The following GNPTG variants were observed in gnomAD, a reference collection of about 807,000 sequenced individuals.
GNPTG encodes the protein N-acetylglucosamine-1-phosphotransferase subunit gamma.
GNPTG carries 46 observed loss-of-function variants against 43.8 expected under a neutral mutation model. The observed-to-expected ratio is 1.05, with a 90% confidence interval of 0.83 to 1.34. The LOEUF (loss-of-function observed/expected upper bound fraction) is 1.34. Ranked by LOEUF, GNPTG falls within the 40% of genes most tolerant of loss-of-function variation. The pLI, the probability that GNPTG is intolerant of heterozygous loss-of-function variation, is 0.00. For synonymous variants in GNPTG, 250 were observed against 172.8 expected, an observed-to-expected ratio of 1.45 and a Z score of -3.50; for missense variants, 549 against 411.3, an observed-to-expected ratio of 1.33 and a Z score of -2.90.
rs757003667 is a variant in GNPTG at position 1,362,624 on chromosome 16, T to G, written c.623T>G (p.Leu208Trp). Residue 208 changes from leucine (L) to tryptophan (W), a missense_variant, in exon 9 of 11, where the codon TTG becomes TGG. Leu to Trp is a moderately conservative substitution (Grantham distance 61, BLOSUM62 -2). Coordinates refer to ENST00000204679, the MANE Select transcript of GNPTG (RefSeq NM_032520.5). Reference sequence around the variant, plus strand: ...CTCCACCTTCAGGGCCATGAGAAGTTGCTGAGGACACTTTTTGAGGATGCT... The same window carrying G: ...CTCCACCTTCAGGGCCATGAGAAGTGGCTGAGGACACTTTTTGAGGATGCT... The part of the protein sequence containing the change: ...ELITPQGHEK[L>W]LRTLFEDAGY... 1.9e-6 allele frequency: 3 copies of G among 1,614,034 alleles called. No individual in the cohort carries two copies. In the African/African-American group the frequency reaches 4.0e-5, roughly 22 times the overall value.
At chr16:1,353,177 G>T (rs1018751206) in intron 3 of GNPTG, among the ~76,000 whole-genome samples, 1 of 152,026 alleles carries the variant, frequency 6.6e-6, no homozygotes, top group African/African-American at 2.4e-5. Flanking sequence ...TTATTTCACC[G>T]TATTGACCAG....
At position 1,362,442 on chromosome 16, in the gene GNPTG, G is replaced by T; in HGVS notation, c.527-10G>T. Reference sequence around the variant, plus strand: ...GGTGCAGCTGAGCCTGGCTTCTCTTGGGTCCTCAGTGTACCCAACCCTGCC... The same window carrying T: ...GGTGCAGCTGAGCCTGGCTTCTCTTTGGTCCTCAGTGTACCCAACCCTGCC... On this transcript the variant is annotated splice_polypyrimidine_tract_variant and intron_variant, in intron 7 of 10. Transcript: ENST00000204679. The T allele has an allele frequency of 6.2e-7, 1 of 1,613,690 alleles. No individual in the cohort carries two copies. Among genetic ancestry groups the T allele is most frequent in the African/African-American group, 1.3e-5 (1 of 75,034 alleles).
chr16:1,361,358 T>TC (rs1462265696), intron 3 of GNPTG: 2 of 280,274 alleles, frequency 7.1e-6, no homozygotes, highest in East Asian at 1.8e-4. Context: ...TGAAAACTGG[T>TC]CCTTGGCCGG....
Position 1,362,983 on chromosome 16 carries a change from T to C in GNPTG, c.824-14T>C. 1 of 1,614,036 alleles carries C rather than the reference T, an allele frequency of 6.2e-7. No individual in the cohort carries two copies. Reference sequence around the variant, plus strand: ...TGGGTCCAGGTGAGGACTGGCCACCTGGTGTTTTGGCAGAAACTTCCAACT... The same window carrying C: ...TGGGTCCAGGTGAGGACTGGCCACCCGGTGTTTTGGCAGAAACTTCCAACT... On this transcript the variant is annotated splice_polypyrimidine_tract_variant and intron_variant, in intron 10 of 10. Transcript: ENST00000204679.
At chr16:1,356,718 G>A (rs1471283946) in intron 3 of GNPTG, among the ~76,000 whole-genome samples, 4 of 152,210 alleles carry the variant, frequency 2.6e-5, no homozygotes, top group South Asian at 4.1e-4. Flanking sequence ...CTGTTTAGAC[G>A]GATGGCCCTG....
At chr16:1,359,658 T>A (rs542136177) in intron 3 of GNPTG, among the ~76,000 whole-genome samples, 12 of 152,344 alleles carry the variant, frequency 7.9e-5, no homozygotes, top group African/African-American at 2.9e-4. Flanking sequence ...GTCTCTCAAC[T>A]CTGTCTTTAA....
At chr16:1,359,847 C>A (rs1323602230) in intron 3 of GNPTG, among the ~76,000 whole-genome samples, 1 of 152,032 alleles carries the variant, frequency 6.6e-6, no homozygotes, top group African/African-American at 2.4e-5. Context: ...CTGGGGCTCA[C>A]GCCTGTAATC....
Position 1,362,047 on chromosome 16 carries a change from C to T in GNPTG, c.327C>T (p.His109=), listed in dbSNP as rs141533972. 37 of 1,612,614 alleles carry T rather than the reference C, an allele frequency of 2.3e-5. No individual in the cohort carries two copies. Among genetic ancestry groups the T allele is most frequent in the East Asian group, 1.1e-4 (5 of 44,854 alleles). Residue 109 remains histidine, a synonymous_variant, in exon 6 of 11, where the codon CAC becomes CAT. Coordinates refer to ENST00000204679, the MANE Select transcript of GNPTG (RefSeq NM_032520.5). ...NAYSGILGIW[H]EWEIANNTFT... ...GCCCGTGTCTCCCCAGCATCTGGCA[C>T]GAGTGGGAGATCGCCAACAACACCT...
At position 1,351,956 on chromosome 16, in the gene GNPTG, C is replaced by T; in HGVS notation, c.-10C>T. 2 of 1,291,514 alleles carry T rather than the reference C, an allele frequency of 1.5e-6. No homozygotes were observed. Among genetic ancestry groups the T allele is most frequent in the South Asian group, 2.5e-5 (1 of 39,612 alleles). The allele number at this position is 1,291,514 out of a possible 1,614,324, so 80.0% of individuals were successfully genotyped here. A position where few individuals can be genotyped will look rare whatever the true frequency, so the allele number is the denominator to read the frequency against. On this transcript the variant is annotated 5_prime_UTR_variant, in exon 1 of 11. Coordinates refer to ENST00000204679, the MANE Select transcript of GNPTG (RefSeq NM_032520.5). ...ACTTCACGTGACCGCGCGGCGGCCG[C>T]TGCGGCGCGATGGCGGCGGGGCTGG...
In GNPTG at chr16:1,362,145, C is replaced by T. The variant is rs781337088; in HGVS notation, c.411+14C>T. The T allele has an allele frequency of 1.5e-5, 24 of 1,612,378 alleles. No individual in the cohort carries two copies. In the Admixed American group the frequency reaches 1.8e-4, roughly 12 times the overall value. On this transcript the variant is annotated intron_variant, in intron 6 of 10. Transcript: ENST00000204679. ...CGGCAGAGCAAGGTGGGGCCTCAGACGGGAGCCCGGGAAGAGGGGCCCCAG... is the reference window on the plus strand; with the variant it reads ...CGGCAGAGCAAGGTGGGGCCTCAGATGGGAGCCCGGGAAGAGGGGCCCCAG...
At position 1,362,453 on chromosome 16, in the gene GNPTG, G is replaced by A; in HGVS notation, c.528G>A (p.Val176=). The A allele has an allele frequency of 6.2e-7, 1 of 1,613,868 alleles. No homozygotes were observed. The highest frequency in any genetic ancestry group is 2.2e-5 in the East Asian group (1 of 44,872). ...GCCTGGCTTCTCTTGGGTCCTCAGTGTACCCAACCCTGCCAGAGGCCCTGC... is the reference window on the plus strand; with the variant it reads ...GCCTGGCTTCTCTTGGGTCCTCAGTATACCCAACCCTGCCAGAGGCCCTGC... ...PLVCHPHALL[V]YPTLPEALQR... Residue 176 remains valine (V), a splice_region_variant and synonymous_variant, in exon 8 of 11, where the codon GTG becomes GTA. Transcript: ENST00000204679.
Position 1,362,496 on chromosome 16 carries a change from G to C in GNPTG, c.571G>C (p.Val191Leu). Reference sequence around the variant, plus strand: ...GGCCCTGCAGCGGCAGTGGGACCAGGTAGAGCAGGACCTGGCCGATGAGCT... The same window carrying C: ...GGCCCTGCAGCGGCAGTGGGACCAGCTAGAGCAGGACCTGGCCGATGAGCT... ...PEALQRQWDQ[V>L]EQDLADELIT... Residue 191 changes from valine (V) to leucine (L), a missense_variant, in exon 8 of 11, where the codon GTA becomes CTA. Coordinates refer to ENST00000204679, the MANE Select transcript of GNPTG (RefSeq NM_032520.5). 1.9e-6 allele frequency: 3 copies of C among 1,614,130 alleles called. No individual in the cohort carries two copies. Among genetic ancestry groups the C allele is most frequent in the Non-Finnish European group, 2.5e-6 (3 of 1,180,016 alleles).
chr16:1,362,366 C>T (rs761725569), intron 7 of GNPTG, 46 bp downstream of exon 7: 42 of 1,608,404 alleles, frequency 2.6e-5, no homozygotes, highest in Non-Finnish European at 3.2e-5. Flanking sequence ...CAGCCGCGCA[C>T]GCAGCCCTGC....
intron 3 of GNPTG, among the ~76,000 whole-genome samples, chr16:1,357,347 C>T (rs1216817078): frequency 6.6e-6 from 1 of 152,188 alleles, no homozygotes; most frequent in Non-Finnish European, 1.5e-5. Context: ...GCCAGCACCC[C>T]AGAGGTCTCA....
At chr16:1,357,130 C>T (rs1196838045) in intron 3 of GNPTG, among the ~76,000 whole-genome samples, 6 of 152,130 alleles carry the variant, frequency 3.9e-5, no homozygotes, top group Admixed American at 2.0e-4. Flanking sequence ...GAGGTAGAGC[C>T]CCCAGCGGTC....
chr16:1,361,802 G>A lies in GNPTG; in HGVS notation c.233+5G>A, dbSNP rs1060499691. On this transcript the variant is annotated splice_donor_5th_base_variant and intron_variant, in intron 4 of 10. Coordinates refer to ENST00000204679, the MANE Select transcript of GNPTG (RefSeq NM_032520.5). ...CTTCAGCCTGGTGGAGTCCACGTGAGTGCAGGGTGGGTGCGAGGGTGGGCT... is the reference window on the plus strand; with the variant it reads ...CTTCAGCCTGGTGGAGTCCACGTGAATGCAGGGTGGGTGCGAGGGTGGGCT... 6.2e-7 allele frequency: 1 copy of A among 1,613,996 alleles called. No homozygotes were observed. Among genetic ancestry groups the A allele is most frequent in the Non-Finnish European group, 8.5e-7 (1 of 1,180,000 alleles).
At position 1,362,631 on chromosome 16, in the gene GNPTG, G is replaced by A. The variant is rs890055206; in HGVS notation, c.630G>A (p.Arg210=). The A allele has an allele frequency of 4.3e-6, 7 of 1,614,054 alleles. No homozygotes were observed. The highest frequency in any genetic ancestry group is 2.2e-5 in the East Asian group (1 of 44,886). ...ITPQGHEKLL[R]TLFEDAGYLK... ...TTCAGGGCCATGAGAAGTTGCTGAGGACACTTTTTGAGGATGCTGGCTACT... is the reference window on the plus strand; with the variant it reads ...TTCAGGGCCATGAGAAGTTGCTGAGAACACTTTTTGAGGATGCTGGCTACT... Residue 210 remains arginine, a synonymous_variant, in exon 9 of 11, where the codon AGG becomes AGA. Transcript: ENST00000204679.
Position 1,363,307 on chromosome 16 carries a change from GTT to G in GNPTG, c.*217_*218del. On this transcript the variant is annotated 3_prime_UTR_variant, in exon 11 of 11. Transcript: ENST00000204679. The stretch of plus-strand genomic sequence containing the variant: ...ATAGTGTAAAAAAATTTAAACAAGT[GTT>G]AACTTTAAACAGTTCGCTACAAGTA... 1.7e-6 allele frequency: 1 copy of G among 575,746 alleles called. No homozygotes were observed. Among genetic ancestry groups the G allele is most frequent in the South Asian group, 1.9e-5 (1 of 51,638 alleles). 35.7% of individuals were successfully genotyped at this position (575,746 alleles called of 1,614,324 possible).
At position 1,351,935 on chromosome 16, in the gene GNPTG, C is replaced by T. The variant is rs1772583549; in HGVS notation, c.-31C>T. ...CCCCGTGGTCACGTGACCGTCACTTCACGTGACCGCGCGGCGGCCGCTGCG... is the reference window on the plus strand; with the variant it reads ...CCCCGTGGTCACGTGACCGTCACTTTACGTGACCGCGCGGCGGCCGCTGCG... On this transcript the variant is annotated 5_prime_UTR_variant, in exon 1 of 11. Transcript: ENST00000204679. The T allele has an allele frequency of 3.1e-6, 4 of 1,277,966 alleles. No individual in the cohort carries two copies. Among genetic ancestry groups the T allele is most frequent in the Non-Finnish European group, 3.9e-6 (4 of 1,019,282 alleles). 79.2% of individuals were successfully genotyped at this position (1,277,966 alleles called of 1,614,324 possible).
Sources: allele counts gnomAD v4.1 joint callset (sites outside exome capture counted in the v4.1 genomes callset), GRCh38; gene constraint gnomAD v4.1.1; transcripts MANE v1.5; gene names NCBI Gene and HGNC (gene_info 2026-07-23, HGNC 2026-07-21).